The following SASH1 variants were observed in gnomAD, a reference collection of about 807,000 sequenced individuals.
The protein encoded by SASH1 is SAM and SH3 domain-containing protein 1.
In SASH1, 44 loss-of-function variants were observed where a neutral mutation model predicts 125.2. That is an observed-to-expected ratio of 0.35 (90% CI 0.28 to 0.45). The LOEUF (loss-of-function observed/expected upper bound fraction) is 0.45, where lower values mean the gene tolerates loss of function less well. SASH1 is among the 20% of genes least tolerant of loss of function. The probability of loss-of-function intolerance (pLI) is 1.00; values close to 1 mark genes in which losing one functional copy is unlikely to be tolerated. For missense variants in SASH1, 1,426 were observed against 1,614.5 expected (o/e 0.88, Z 2.00); for synonymous variants, 639 against 649.1 (o/e 0.98, Z 0.24).
At chr6:148,270,294 G>C (rs923613156), upstream of SASH1, among the ~76,000 whole-genome samples, 1 of 152,232 alleles carries the variant, frequency 6.6e-6, no homozygotes, top group East Asian at 1.9e-4. Context: ...TCCACCCCGG[G>C]TATCCCTCAC....
In SASH1 at chr6:148,532,696, C is replaced by T; in HGVS notation, c.1565-101C>T. On this transcript the variant is annotated intron_variant, in intron 13 of 19. Transcript: ENST00000367467. The surrounding 1 kb of genome is among the most constrained non-coding windows in gnomAD (Gnocchi z 4.7). ...GGTTGTGGCTCAAGGCTTCCTTTCT[C>T]TGGGCCTTCATTTCCTAATCTGCCA... The T allele has an allele frequency of 7.2e-7, 1 of 1,388,116 alleles. No homozygotes were observed. The highest frequency in any genetic ancestry group is 2.3e-5 in the East Asian group (1 of 43,560). The allele number at this position is 1,388,116 out of a possible 1,614,324, so 86.0% of individuals were successfully genotyped here.
chr6:148,484,839 A>C (rs1273621518), intron 7 of SASH1, among the ~76,000 whole-genome samples: 8 of 152,134 alleles, frequency 5.3e-5, no homozygotes, highest in Non-Finnish European at 7.4e-5. Flanking sequence ...GCTACTCGGG[A>C]GGCTGAGATG....
At chr6:148,309,299 A>G (rs1780236430) in intron 1 of SASH1, among the ~76,000 whole-genome samples, 1 of 152,194 alleles carries the variant, frequency 6.6e-6, no homozygotes, top group Non-Finnish European at 1.5e-5. Flanking sequence ...GTAAAGGCTA[A>G]GCAGTGGTTT....
intron 10 of SASH1, among the ~76,000 whole-genome samples, chr6:148,523,927 A>G (rs1401837109): frequency 6.6e-6 from 1 of 152,000 alleles, no homozygotes; most frequent in Non-Finnish European, 1.5e-5. Context: ...CAAATATGAT[A>G]TAAGTATTAT....
intron 1 of SASH1, among the ~76,000 whole-genome samples, chr6:148,367,481 A>G (rs1782517385): frequency 6.6e-6 from 1 of 152,222 alleles, no homozygotes; most frequent in Non-Finnish European, 1.5e-5. Context: ...ACAGAACAAA[A>G]CACATTGCTC....
At chr6:148,492,752 C>T (rs141817960) in intron 8 of SASH1, among the ~76,000 whole-genome samples, 12,207 of 151,888 alleles carry the variant, frequency 0.08, 531 homozygotes, top group Non-Finnish European at 0.097. Flanking sequence ...ACCCAGGAGG[C>T]GGAGGTTGCA....
At chr6:148,315,308 T>C (rs1029969380) in intron 1 of SASH1, among the ~76,000 whole-genome samples, 3 of 152,200 alleles carry the variant, frequency 2.0e-5, no homozygotes, top group Admixed American at 1.3e-4. Flanking sequence ...GGTGTTTAGT[T>C]CTTTGCAAAC....
At chr6:148,470,178 A>G (rs1248790486) in intron 5 of SASH1, among the ~76,000 whole-genome samples, 2 of 152,258 alleles carry the variant, frequency 1.3e-5, no homozygotes, top group East Asian at 1.9e-4. Context: ...GCCCAAAGGC[A>G]GTGGGTGATA....
chr6:148,388,250 G>A (rs1256705138), intron 1 of SASH1, among the ~76,000 whole-genome samples: 3 of 151,774 alleles, frequency 2.0e-5, no homozygotes, highest in African/African-American at 7.3e-5. Flanking sequence ...TTTCCTGGAG[G>A]CAGCACAGCA....
rs1183358322 is a variant in SASH1, at chr6:148,519,495, A to G, written c.863-52A>G. The G allele has an allele frequency of 5.2e-6, 7 of 1,342,748 alleles. No individual in the cohort carries two copies. The highest frequency in any genetic ancestry group is 2.5e-5 in the South Asian group (2 of 79,096). The allele number at this position is 1,342,748 out of a possible 1,614,324, so 83.2% of individuals were successfully genotyped here. A position where few individuals can be genotyped will look rare whatever the true frequency, so the allele number is the denominator to read the frequency against. The stretch of plus-strand genomic sequence containing the variant: ...AGGTGGTGAATGTAAAGAAAGATGT[A>G]TGCAAGAATGCAAAGGTGTGTTCAC... On this transcript the variant is annotated intron_variant, in intron 9 of 19. Coordinates refer to ENST00000367467, the MANE Select transcript of SASH1 (RefSeq NM_015278.5). This position sits in a 1 kb window ranked among gnomAD's most constrained non-coding sequence, Gnocchi z 4.8.
At chr6:148,222,492 G>A in the SASH1 span, among the ~76,000 whole-genome samples, 3 of 151,860 alleles carry the variant, frequency 2.0e-5, no homozygotes, top group Non-Finnish European at 2.9e-5. Flanking sequence ...ACTTCAAATC[G>A]CTTCTGCCCC....
At chr6:148,487,557 G>T (rs948684818) in intron 7 of SASH1, 57 bp from the exon 8 acceptor site, 24 of 1,260,850 alleles carry the variant, frequency 1.9e-5, no homozygotes, top group Non-Finnish European at 2.8e-5. Flanking sequence ...CCTGTAAAAG[G>T]TCTGGCCAGT....
chr6:148,201,198 G>T, the SASH1 span, among the ~76,000 whole-genome samples: 2 of 152,146 alleles, frequency 1.3e-5, no homozygotes, highest in Non-Finnish European at 2.9e-5. Flanking sequence ...ATGATGACAC[G>T]ATCATAATAA....
At chr6:148,484,466 T>G (rs1778756299) in intron 7 of SASH1, among the ~76,000 whole-genome samples, 1 of 152,004 alleles carries the variant, frequency 6.6e-6, no homozygotes, top group Non-Finnish European at 1.5e-5. Flanking sequence ...AAATTATAAT[T>G]AAACCAAAAC....
chr6:148,407,781 C>T (rs1261217371), intron 2 of SASH1, among the ~76,000 whole-genome samples: 3 of 152,076 alleles, frequency 2.0e-5, no homozygotes, highest in African/African-American at 4.8e-5. Flanking sequence ...TACAGGCGCG[C>T]ACCACCACAC....
the SASH1 span, among the ~76,000 whole-genome samples, chr6:148,234,635 G>A: frequency 1.3e-5 from 2 of 152,008 alleles, no homozygotes; most frequent in Non-Finnish European, 2.9e-5. Context: ...AGACCAGTCT[G>A]GCCAACATGA....
chr6:148,421,313 A>T (rs962390373), intron 2 of SASH1, among the ~76,000 whole-genome samples: 8 of 151,940 alleles, frequency 5.3e-5, no homozygotes, highest in African/African-American at 1.9e-4. Flanking sequence ...TTTATTTATT[A>T]TTTTTTCTGA....
In SASH1 at chr6:148,420,178, C is replaced by G. The variant is rs1276056411; in HGVS notation, c.286-20006C>G. Among the ~76,000 whole-genome samples the G allele has an allele frequency of 3.9e-5, 6 of 151,948 alleles. No individual in the cohort carries two copies. In the East Asian group the frequency reaches 1.2e-3, roughly 29 times the overall value. ...TTCTATGTCATGGACCTTCTATATC[C>G]CAGTTGTGGTATAGAATCTTGATAG... On this transcript the variant is annotated intron_variant, in intron 2 of 19. Transcript: ENST00000367467.
chr6:148,339,233 G>T (rs1014613447), upstream of SASH1, among the ~76,000 whole-genome samples: 12 of 151,888 alleles, frequency 7.9e-5, no homozygotes, highest in African/African-American at 2.7e-4. Flanking sequence ...TAGTAGAGAC[G>T]AGGTTTCACC....
Sources: allele counts gnomAD v4.1 joint callset (sites outside exome capture counted in the v4.1 genomes callset), GRCh38; gene constraint gnomAD v4.1.1; non-coding constraint Gnocchi (gnomAD v3.1); transcripts MANE v1.5; gene names NCBI Gene and HGNC (gene_info 2026-07-23, HGNC 2026-07-21).